Variants in HSD17B12 observed in about 807,000 individuals in gnomAD.
The protein encoded by HSD17B12 is hydroxysteroid 17-beta dehydrogenase 12.
HSD17B12 carries 32 observed loss-of-function variants against 39.3 expected under a neutral mutation model. The observed-to-expected ratio is 0.81, with a 90% CI of 0.61 to 1.09. HSD17B12 has a LOEUF of 1.09. HSD17B12 is among the 50% of genes least tolerant of loss of function. The pLI is 0.00. For missense variants in HSD17B12, 342 were observed against 382.9 expected (o/e 0.89, Z 0.89); for synonymous variants, 150 against 146.7 (o/e 1.02, Z -0.16).
chr11:43,816,980 A>ATATATCTATATC lies in HSD17B12; in HGVS notation c.501+643_501+654dup, dbSNP rs57362643. 4.8e-4 allele frequency among the ~76,000 whole-genome samples: 64 copies of ATATATCTATATC among 132,902 alleles called. 1 individual carries two copies. Among genetic ancestry groups the ATATATCTATATC allele is most frequent in the African/African-American group, 1.6e-3 (55 of 34,692 alleles). 87.2% of individuals were successfully genotyped at this position (132,902 alleles called of 152,430 possible). A position where few individuals can be genotyped will look rare whatever the true frequency, so the allele number is the denominator to read the frequency against. ...TTATGACTGAGTAGTATTCCATCATATATATCTATATCTATATCTATATCT... is the reference window on the plus strand; with the variant it reads ...TTATGACTGAGTAGTATTCCATCATATATATCTATATCTATATCTATATCTATATCTATATCT... On this transcript the variant is annotated intron_variant, in intron 6 of 10. Coordinates refer to ENST00000278353, the MANE Select transcript of HSD17B12 (RefSeq NM_016142.3).
At chr11:43,700,495 C>T (rs1295464215) in intron 1 of HSD17B12, among the ~76,000 whole-genome samples, 1 of 152,092 alleles carries the variant, frequency 6.6e-6, no homozygotes, top group Non-Finnish European at 1.5e-5. Context: ...CCCCCACTAC[C>T]CTTCCTAGCT....
At chr11:43,808,254 G>A (rs1232684117) in intron 4 of HSD17B12, among the ~76,000 whole-genome samples, 3 of 151,828 alleles carry the variant, frequency 2.0e-5, no homozygotes, top group Admixed American at 6.6e-5. Flanking sequence ...AAGAAGCCTG[G>A]TGTAGACAAT....
At chr11:43,703,348 C>T (rs1275902175) in intron 1 of HSD17B12, among the ~76,000 whole-genome samples, 2 of 152,072 alleles carry the variant, frequency 1.3e-5, no homozygotes, top group Non-Finnish European at 2.9e-5. Context: ...GCGCCCGCCA[C>T]TACGCCCGGC....
chr11:43,798,231 G>A, intron 3 of HSD17B12, 89 bp from the exon 4 acceptor site: 1 of 744,562 alleles, frequency 1.3e-6, no homozygotes, highest in Non-Finnish European at 2.3e-6. Context: ...AGAAACGTCT[G>A]AAAGGATAAT....
intron 1 of HSD17B12, chr11:43,734,395 G>C (rs1950297607): frequency 1.4e-5 from 11 of 813,032 alleles, no homozygotes; most frequent in Non-Finnish European, 2.4e-5. Flanking sequence ...TCTCTGCTGA[G>C]GGTGACTCTA....
chr11:43,725,909 G>GT (rs1186035199), intron 1 of HSD17B12, among the ~76,000 whole-genome samples: 1 of 152,118 alleles, frequency 6.6e-6, no homozygotes, highest in Non-Finnish European at 1.5e-5. Context: ...CAAAATGGAA[G>GT]TTTTGGCAAC....
the HSD17B12 span, among the ~76,000 whole-genome samples, chr11:43,559,334 G>A: frequency 2.2e-4 from 33 of 152,166 alleles, no homozygotes; most frequent in Non-Finnish European, 3.5e-4. Flanking sequence ...TCTGAGCTGT[G>A]GTCTTCTAGG....
intron 1 of HSD17B12, among the ~76,000 whole-genome samples, chr11:43,747,241 A>G (rs1950420296): frequency 6.6e-6 from 1 of 152,262 alleles, no homozygotes; most frequent in Admixed American, 6.5e-5. Context: ...GAATTAAGAC[A>G]TGTAGATGTA....
At chr11:43,799,888 C>A (rs181017668) in intron 4 of HSD17B12, among the ~76,000 whole-genome samples, 1 of 152,286 alleles carries the variant, frequency 6.6e-6, no homozygotes, top group Admixed American at 6.5e-5. Context: ...TTCCCAGCTC[C>A]TGCCTGGTCC....
chr11:43,581,916 A>G, the HSD17B12 span, among the ~76,000 whole-genome samples: 1 of 152,184 alleles, frequency 6.6e-6, no homozygotes, highest in African/African-American at 2.4e-5. The surrounding 1 kb of genome is among the most constrained non-coding windows in gnomAD (Gnocchi z 4.9). Flanking sequence ...TTTGACCGTA[A>G]TGATCCGATT....
the HSD17B12 span, among the ~76,000 whole-genome samples, chr11:43,633,457 A>G: frequency 6.6e-6 from 1 of 152,052 alleles, no homozygotes; most frequent in Non-Finnish European, 1.5e-5. Flanking sequence ...ATTTGAACCC[A>G]GGAGGCAGAG....
rs757297296 is a variant in HSD17B12, at chr11:43,840,048, A to C, written c.668A>C (p.Lys223Thr). The C allele has an allele frequency of 6.8e-6, 11 of 1,612,600 alleles. No individual in the cohort carries two copies. Among genetic ancestry groups the C allele is most frequent in the Non-Finnish European group, 9.3e-6 (11 of 1,179,054 alleles). Residue 223 changes from lysine (K) to threonine (T), a missense_variant, in exon 9 of 11, where the codon AAG (lysine) becomes ACG (threonine). By Grantham distance (78) the Lys-to-Thr change is moderately conservative. Transcript: ENST00000278353. ...TGCCTCCATGAGGAGTATAGGAGCAAGGGCGTCTTTGTGCAGGTGAGTGGA... is the reference window on the plus strand; with the variant it reads ...TGCCTCCATGAGGAGTATAGGAGCACGGGCGTCTTTGTGCAGGTGAGTGGA... ...SQCLHEEYRS[K>T]GVFVQSVLPY... is the part of the protein sequence containing the mutation.
At chr11:43,662,362 C>A in the HSD17B12 span, among the ~76,000 whole-genome samples, 7 of 138,350 alleles carry the variant, frequency 5.1e-5, no homozygotes, top group Admixed American at 4.5e-4. Flanking sequence ...CAACTCCCTG[C>A]TAATTTTATT....
chr11:43,630,162 A>G, the HSD17B12 span, among the ~76,000 whole-genome samples: 1 of 152,166 alleles, frequency 6.6e-6, no homozygotes. Flanking sequence ...ACATATGGGT[A>G]AGCATTTTGG....
the HSD17B12 span, among the ~76,000 whole-genome samples, chr11:43,594,854 TC>T: frequency 6.6e-6 from 1 of 152,166 alleles, no homozygotes; most frequent in South Asian, 2.1e-4. Flanking sequence ...TTGTCTTCTT[TC>T]TTTTTCCTTT....
intron 1 of HSD17B12, among the ~76,000 whole-genome samples, chr11:43,689,900 A>G (rs2134777208): frequency 1.3e-5 from 2 of 151,970 alleles, no homozygotes; most frequent in East Asian, 3.9e-4. Context: ...CTCTGACCTC[A>G]TCTCCACTAC....
chr11:43,754,778 A>C (rs951011292), intron 3 of HSD17B12: 3 of 648,488 alleles, frequency 4.6e-6, no homozygotes, highest in Non-Finnish European at 8.3e-6. Context: ...TTTTTATCTC[A>C]GTGTTTCTAA....
the HSD17B12 span, among the ~76,000 whole-genome samples, chr11:43,584,896 CA>C: frequency 6.6e-6 from 1 of 152,328 alleles, no homozygotes; most frequent in Non-Finnish European, 1.5e-5. Context: ...CATAGGACTG[CA>C]TAGGACTTCC....
chr11:43,705,956 T>A (rs1378105518), intron 1 of HSD17B12, among the ~76,000 whole-genome samples: 1 of 151,634 alleles, frequency 6.6e-6, no homozygotes, highest in Non-Finnish European at 1.5e-5. Context: ...AGAGACAGGG[T>A]TTCACTATAT....
Sources: gnomAD v4.1 joint callset for allele counts (sites outside exome capture counted in the v4.1 genomes callset) on GRCh38, gnomAD v4.1.1 for gene constraint, Gnocchi (gnomAD v3.1) non-coding constraint, MANE v1.5 for transcripts, NCBI Gene and HGNC (gene_info 2026-07-23, HGNC 2026-07-21) for gene names.